Variants in RBPJ observed in about 807,000 individuals in gnomAD.
RBPJ encodes the protein recombining binding protein suppressor of hairless.
Under a neutral mutation model 67.8 loss-of-function variants are expected in RBPJ, and 9 were observed. The ratio of observed to expected loss-of-function variants is 0.13; its 90% CI spans 0.08 to 0.23. The LOEUF (loss-of-function observed/expected upper bound fraction) is 0.23, where lower values mean the gene tolerates loss of function less well. RBPJ is among the 10% of genes least tolerant of loss of function. The probability of loss-of-function intolerance (pLI) is 1.00; values close to 1 mark genes in which losing one functional copy is unlikely to be tolerated. For synonymous variants in RBPJ, 198 were observed against 203.3 expected, an observed-to-expected ratio of 0.97 and a Z score of 0.22; for missense variants, 305 against 595.6, an observed-to-expected ratio of 0.51 and a Z score of 5.08.
intron 1 of RBPJ, among the ~76,000 whole-genome samples, chr4:26,249,118 AAGAAGAAAG>A (rs1720015606): frequency 6.6e-6 from 1 of 151,688 alleles, no homozygotes; most frequent in African/African-American, 2.4e-5. Context: ...ATGAATAGAA[AAGAAGAAAG>A]AGAAGTGATA....
intron 1 of RBPJ, among the ~76,000 whole-genome samples, chr4:26,354,374 A>G (rs1311407111): frequency 6.6e-6 from 1 of 152,150 alleles, no homozygotes; most frequent in Non-Finnish European, 1.5e-5. Context: ...TCACCATCAA[A>G]TATAGATCAC....
chr4:26,175,774 C>T (rs35740332), intron 1 of RBPJ, among the ~76,000 whole-genome samples: 63,201 of 152,122 alleles, frequency 0.42, 13,985 homozygotes, highest in Admixed American at 0.5. Flanking sequence ...GTCCGTGAGG[C>T]AGAGGTTTAG....
At chr4:26,345,024 A>T (rs916080378) in intron 1 of RBPJ, among the ~76,000 whole-genome samples, 1 of 152,250 alleles carries the variant, frequency 6.6e-6, no homozygotes, top group South Asian at 2.1e-4. Context: ...TCTTCCTACA[A>T]AAGAGCTTAA....
At chr4:26,139,532 T>C in the RBPJ span, among the ~76,000 whole-genome samples, 86,769 of 152,152 alleles carry the variant, frequency 0.57, 24,821 homozygotes, top group East Asian at 0.63. Flanking sequence ...AGTGAAGCTG[T>C]GTCCCCCCTG....
At chr4:26,163,253 T>G (rs1716132953), upstream of RBPJ, among the ~76,000 whole-genome samples, 1 of 152,130 alleles carries the variant, frequency 6.6e-6, no homozygotes, top group Non-Finnish European at 1.5e-5. Flanking sequence ...TTTTGCATGC[T>G]GCTATTAGTA....
chr4:26,269,228 A>G (rs1720799722), intron 1 of RBPJ, among the ~76,000 whole-genome samples: 1 of 148,930 alleles, frequency 6.7e-6, no homozygotes, highest in Non-Finnish European at 1.5e-5. Flanking sequence ...TATTTATTTA[A>G]TTTATTTTTT....
chr4:26,316,353 A>C (rs1045673335), upstream of RBPJ, among the ~76,000 whole-genome samples: 4 of 146,482 alleles, frequency 2.7e-5, no homozygotes, highest in African/African-American at 1.0e-4. Context: ...ATACATATTC[A>C]TATATACATT....
chr4:26,420,927 T>TTAA (rs1735071583), intron 5 of RBPJ: 1 of 508,008 alleles, frequency 2.0e-6, no homozygotes, highest in Admixed American at 3.7e-5. Flanking sequence ...AGTTGGTTCC[T>TTAA]TAATGCTCCC....
chr4:26,109,442 CTCTCTCTCTCTCTCTCTCTATA>C, the RBPJ span, among the ~76,000 whole-genome samples: 39 of 29,764 alleles, frequency 1.3e-3, 1 homozygote, highest in East Asian at 4.8e-3. Context: ...CTCTCTCTCT[CTCTCTCTCTCTCTCTCTCTATA>C]TATATATATA....
At chr4:26,214,732 A>AAAGG (rs1718588731) in intron 1 of RBPJ, among the ~76,000 whole-genome samples, 1 of 130,164 alleles carries the variant, frequency 7.7e-6, no homozygotes, top group African/African-American at 2.9e-5. Flanking sequence ...AGAAAGAAAG[A>AAAGG]GGGAAGAGAG....
chr4:26,212,058 C>T (rs1718443474), intron 1 of RBPJ, among the ~76,000 whole-genome samples: 1 of 152,132 alleles, frequency 6.6e-6, no homozygotes, highest in African/African-American at 2.4e-5. Flanking sequence ...CAGAAGGAGC[C>T]AACTCTGCTG....
chr4:26,274,986 GT>G (rs1208491963), intron 1 of RBPJ, among the ~76,000 whole-genome samples: 1 of 152,036 alleles, frequency 6.6e-6, no homozygotes, highest in Admixed American at 6.6e-5. Flanking sequence ...AAGGAAAAAA[GT>G]TTCTAAAGTA....
chr4:26,143,584 G>T, the RBPJ span, among the ~76,000 whole-genome samples: 1 of 152,200 alleles, frequency 6.6e-6, no homozygotes, highest in African/African-American at 2.4e-5. Context: ...ATTTTTGTAA[G>T]CCACTAAGTT....
At chr4:26,239,463 C>A (rs894768789) in intron 1 of RBPJ, among the ~76,000 whole-genome samples, 11 of 152,206 alleles carry the variant, frequency 7.2e-5, no homozygotes. Flanking sequence ...TAAATAGTTA[C>A]ATTGTCAGGC....
At chr4:26,162,018 A>G (rs1320766543), upstream of RBPJ, among the ~76,000 whole-genome samples, 2 of 152,260 alleles carry the variant, frequency 1.3e-5, no homozygotes, top group Non-Finnish European at 2.9e-5. Flanking sequence ...TTTTCTGGGC[A>G]TATGGCTGTT....
the RBPJ span, among the ~76,000 whole-genome samples, chr4:26,137,032 G>A: frequency 1.3e-5 from 2 of 152,150 alleles, no homozygotes; most frequent in African/African-American, 4.8e-5. Context: ...TTCACAAATG[G>A]GGGACAAGAC....
chr4:26,344,382 C>G (rs957207836), intron 1 of RBPJ, among the ~76,000 whole-genome samples: 2 of 151,954 alleles, frequency 1.3e-5, no homozygotes, highest in African/African-American at 4.8e-5. Context: ...CTACAGGCGC[C>G]TGCCATCACG....
the RBPJ span, among the ~76,000 whole-genome samples, chr4:26,152,473 C>T: frequency 6.6e-6 from 1 of 152,178 alleles, no homozygotes; most frequent in Non-Finnish European, 1.5e-5. Context: ...GCATGAGATC[C>T]CATAACTGGT....
intron 1 of RBPJ, among the ~76,000 whole-genome samples, chr4:26,340,366 G>A (rs1015445332): frequency 6.6e-6 from 1 of 152,188 alleles, no homozygotes; most frequent in Non-Finnish European, 1.5e-5. Context: ...AAGAGCTGAA[G>A]TCAAGGATAA....
Sources: allele counts gnomAD v4.1 joint callset (sites outside exome capture counted in the v4.1 genomes callset), GRCh38; gene constraint gnomAD v4.1.1; transcripts MANE v1.5; gene names NCBI Gene and HGNC (gene_info 2026-07-23, HGNC 2026-07-21).